ADAMTS16: variants seen among roughly 807,000 people sequenced by gnomAD.
ADAMTS16 encodes A disintegrin and metalloproteinase with thrombospondin motifs 16.
Under a neutral mutation model 145.8 loss-of-function variants are expected in ADAMTS16, and 94 were observed. That is an observed-to-expected ratio of 0.64 (90% CI 0.55 to 0.77). ADAMTS16 has a LOEUF of 0.77. ADAMTS16 is among the 30% of genes least tolerant of loss of function. The pLI is 0.00. For missense variants in ADAMTS16, 1,585 were observed against 1,591.5 expected (o/e 1.00, Z 0.07); for synonymous variants, 659 against 604.3 (o/e 1.09, Z -1.33).
chr5:5,207,204 T>C (rs1421558986), intron 9 of ADAMTS16, among the ~76,000 whole-genome samples: 1 of 152,214 alleles, frequency 6.6e-6, no homozygotes, highest in African/African-American at 2.4e-5. Context: ...CTCTATTTAG[T>C]TTTTCTTTGA....
chr5:5,263,816 C>T (rs1254147835), intron 18 of ADAMTS16, among the ~76,000 whole-genome samples: 1 of 152,210 alleles, frequency 6.6e-6, no homozygotes, highest in Admixed American at 6.5e-5. Context: ...GGCAGCTGCC[C>T]TCCACCAGCG....
Position 5,140,421 on chromosome 5 carries a change from C to G in ADAMTS16, c.-47C>G, listed in dbSNP as rs1424208149. The G allele has an allele frequency of 1.2e-5, 18 of 1,483,354 alleles. No individual in the cohort carries two copies. The highest frequency in any genetic ancestry group is 8.7e-5 in the East Asian group (3 of 34,676). The allele number at this position is 1,483,354 out of a possible 1,614,324, so 91.9% of individuals were successfully genotyped here. A position where few individuals can be genotyped will look rare whatever the true frequency, so the allele number is the denominator to read the frequency against. ...TCCTCCCTGCCCGCTCGCACGCTGC[C>G]GGCCGGGGACCCTCCGGTGGCCCCT... On this transcript the variant is annotated 5_prime_UTR_variant, in exon 1 of 23. Transcript: ENST00000274181.
At position 5,320,230 on chromosome 5, in the gene ADAMTS16, G is replaced by T; in HGVS notation, c.*1092G>T. On this transcript the variant is annotated 3_prime_UTR_variant, in exon 23 of 23. Coordinates refer to ENST00000274181, the MANE Select transcript of ADAMTS16 (RefSeq NM_139056.4). This position sits in a 1 kb window ranked among gnomAD's most constrained non-coding sequence, Gnocchi z 5.1. Reference sequence around the variant, plus strand: ...CTGCTGTTCTCCTGTCCGGTGCTGTGGCTCCATTCCAAAGGGGCACCTGGA... The same window carrying T: ...CTGCTGTTCTCCTGTCCGGTGCTGTTGCTCCATTCCAAAGGGGCACCTGGA... 4.0e-6 allele frequency: 1 copy of T among 249,890 alleles called. No individual in the cohort carries two copies. The highest frequency in any genetic ancestry group is 4.5e-5 in the South Asian group (1 of 22,334). The allele number at this position is 249,890 out of a possible 1,614,324, so 15.5% of individuals were successfully genotyped here.
At chr5:5,199,587 G>T (rs1735901876) in intron 8 of ADAMTS16, among the ~76,000 whole-genome samples, 1 of 152,158 alleles carries the variant, frequency 6.6e-6, no homozygotes, top group African/African-American at 2.4e-5. Context: ...CCCAGGTAGG[G>T]GTAGAGACAG....
chr5:5,196,905 G>A (rs965133649), intron 8 of ADAMTS16, among the ~76,000 whole-genome samples: 2 of 152,166 alleles, frequency 1.3e-5, no homozygotes, highest in African/African-American at 4.8e-5. Context: ...CCAAGACCCT[G>A]ACTGAGGTCC....
intron 9 of ADAMTS16, among the ~76,000 whole-genome samples, chr5:5,206,549 G>A (rs1440815200): frequency 1.3e-5 from 2 of 149,676 alleles, no homozygotes; most frequent in East Asian, 2.0e-4. Context: ...GTATGATCTC[G>A]GCTCACTGTG....
intron 3 of ADAMTS16, among the ~76,000 whole-genome samples, chr5:5,153,367 C>G (rs1221560280): frequency 6.7e-6 from 1 of 149,876 alleles, no homozygotes; most frequent in Non-Finnish European, 1.5e-5. Context: ...ATCTTTGTAT[C>G]CCAAAGTTCT....
chr5:5,178,002 A>C (rs1735245348), intron 3 of ADAMTS16, among the ~76,000 whole-genome samples: 1 of 152,166 alleles, frequency 6.6e-6, no homozygotes, highest in African/African-American at 2.4e-5. Context: ...TTGATTTATG[A>C]AACTTTAATG....
chr5:5,174,735 T>G (rs1392587404), intron 3 of ADAMTS16, among the ~76,000 whole-genome samples: 1 of 152,234 alleles, frequency 6.6e-6, no homozygotes, highest in Non-Finnish European at 1.5e-5. Flanking sequence ...ATTAAGATTC[T>G]GATGCATTCT....
intron 3 of ADAMTS16, among the ~76,000 whole-genome samples, chr5:5,149,544 GA>G (rs1734394703): frequency 6.6e-6 from 1 of 152,190 alleles, no homozygotes; most frequent in Non-Finnish European, 1.5e-5. Flanking sequence ...CAGCTTTATT[GA>G]GATGTAACTC....
At chr5:5,183,519 G>C (rs1735401625) in intron 4 of ADAMTS16, among the ~76,000 whole-genome samples, 1 of 152,216 alleles carries the variant, frequency 6.6e-6, no homozygotes, top group South Asian at 2.1e-4. Flanking sequence ...CTGGATCTCA[G>C]CAGGAGAGAT....
intron 8 of ADAMTS16, among the ~76,000 whole-genome samples, chr5:5,194,590 A>G (rs1032545979): frequency 4.6e-5 from 7 of 152,252 alleles, no homozygotes; most frequent in African/African-American, 1.7e-4. Flanking sequence ...AGCTGTGACC[A>G]CCACTTCAAA....
chr5:5,237,166 T>C, intron 14 of ADAMTS16, 67 bp downstream of exon 14: 3 of 1,539,944 alleles, frequency 1.9e-6, no homozygotes, highest in Non-Finnish European at 2.7e-6. Context: ...AAGCATCCTG[T>C]AGAGGCTAGA....
chr5:5,212,586 T>G (rs1325564820), intron 10 of ADAMTS16, among the ~76,000 whole-genome samples: 1 of 152,196 alleles, frequency 6.6e-6, no homozygotes. Context: ...TCTACTTATT[T>G]GATACTAATA....
intron 3 of ADAMTS16, among the ~76,000 whole-genome samples, chr5:5,148,242 C>T (rs533910666): frequency 8.5e-5 from 13 of 152,160 alleles, no homozygotes; most frequent in South Asian, 2.1e-4. Flanking sequence ...ACAAATGAGA[C>T]CTCAACCAGA....
chr5:5,147,364 C>T (rs1428588891), intron 3 of ADAMTS16, among the ~76,000 whole-genome samples: 5 of 152,140 alleles, frequency 3.3e-5, no homozygotes, highest in African/African-American at 1.2e-4. Flanking sequence ...AAAAAGCTTT[C>T]AGTGTGTCTT....
intron 18 of ADAMTS16, among the ~76,000 whole-genome samples, chr5:5,270,163 G>A (rs1451554542): frequency 1.3e-5 from 2 of 152,110 alleles, no homozygotes; most frequent in Admixed American, 6.6e-5. Flanking sequence ...GGATCTCCCC[G>A]TCCATCGCCC....
intron 18 of ADAMTS16, among the ~76,000 whole-genome samples, chr5:5,283,695 T>C (rs1360209452): frequency 1.3e-5 from 2 of 152,236 alleles, no homozygotes; most frequent in Non-Finnish European, 2.9e-5. Context: ...TGACACTGTG[T>C]TAGCTCCATC....
At position 5,262,708 on chromosome 5, in the gene ADAMTS16, A is replaced by T; in HGVS notation, c.2714A>T (p.Asn905Ile). ...GCYRDLKFQV[N>I]MSFCNPKTRP... ...TACAGAGACCTGAAGTTTCAAGTAA[A>T]TATGTCCTTCTGCAATCCCAAGACA... Residue 905 changes from asparagine (N) to isoleucine (I), a missense_variant, in exon 18 of 23, where the codon AAT becomes ATT. Asn to Ile is a moderately radical substitution (Grantham distance 149). This residue lies in a region of ADAMTS16 where 834 missense variants were observed against 811.7 expected (regional missense o/e 1.03). Coordinates refer to ENST00000274181, the MANE Select transcript of ADAMTS16 (RefSeq NM_139056.4). 2 of 1,614,218 alleles carry T rather than the reference A, an allele frequency of 1.2e-6. No individual in the cohort carries two copies. Among genetic ancestry groups the T allele is most frequent in the Non-Finnish European group, 1.7e-6 (2 of 1,180,044 alleles).
Sources: allele counts gnomAD v4.1 joint callset (sites outside exome capture counted in the v4.1 genomes callset), GRCh38; gene constraint gnomAD v4.1.1; regional missense constraint gnomAD v4.1.1; non-coding constraint Gnocchi (gnomAD v3.1); transcripts MANE v1.5; gene names NCBI Gene and HGNC (gene_info 2026-07-23, HGNC 2026-07-21).